The following MEI4 variants were observed in gnomAD, a reference collection of about 807,000 sequenced individuals.
MEI4 encodes meiosis-specific protein MEI4.
A neutral mutation model predicts 31.4 loss-of-function variants in MEI4; 27 were observed. That is an observed-to-expected ratio of 0.86 (90% confidence interval 0.63 to 1.19). MEI4 has a LOEUF of 1.19. Ranked by LOEUF, MEI4 falls within the 50% of genes most tolerant of loss-of-function variation. The pLI is 0.00. For synonymous variants in MEI4, 122 were observed against 145.4 expected (o/e 0.84, Z 1.16); for missense variants, 329 against 398.9 (o/e 0.82, Z 1.49).
chr6:77,864,745 A>C (rs7773838), intron 4 of MEI4, among the ~76,000 whole-genome samples: 125,683 of 152,166 alleles, frequency 0.83, 52,422 homozygotes, highest in East Asian at 0.95. Flanking sequence ...TAGACATCTA[A>C]AGAACTCTCC....
intron 4 of MEI4, among the ~76,000 whole-genome samples, chr6:77,909,826 C>T (rs532740528): frequency 2.7e-3 from 404 of 152,162 alleles, no homozygotes; most frequent in African/African-American, 8.8e-3. Context: ...ACTGGCAAAC[C>T]GAATCCAGTA....
At chr6:77,767,122 C>T (rs1293670932) in intron 3 of MEI4, among the ~76,000 whole-genome samples, 1 of 152,142 alleles carries the variant, frequency 6.6e-6, no homozygotes, top group Non-Finnish European at 1.5e-5. Flanking sequence ...TGGCTCACAC[C>T]TGTAATCCCA....
intron 1 of MEI4, among the ~76,000 whole-genome samples, chr6:77,675,967 T>C (rs1768837395): frequency 6.6e-6 from 1 of 152,196 alleles, no homozygotes; most frequent in Non-Finnish European, 1.5e-5. Context: ...ATAAGTTTGA[T>C]CTTAGTTACA....
intron 4 of MEI4, among the ~76,000 whole-genome samples, chr6:77,918,768 C>G (rs1053264474): frequency 1.3e-5 from 2 of 151,836 alleles, no homozygotes; most frequent in South Asian, 4.1e-4. Context: ...ATTTCCTTCT[C>G]CTGCCTAATT....
intron 2 of MEI4, among the ~76,000 whole-genome samples, chr6:77,751,572 A>T (rs997827160): frequency 6.6e-6 from 1 of 152,142 alleles, no homozygotes; most frequent in South Asian, 2.1e-4. Context: ...CCAGGAAAAC[A>T]TCCAAGCCCT....
chr6:77,760,917 T>C (rs1768027410), intron 2 of MEI4, among the ~76,000 whole-genome samples: 1 of 152,224 alleles, frequency 6.6e-6, no homozygotes, highest in Non-Finnish European at 1.5e-5. Context: ...ATGAGTCACC[T>C]TTCTACCCAT....
chr6:77,660,001 G>A (rs1242019370), intron 1 of MEI4, among the ~76,000 whole-genome samples: 9 of 152,194 alleles, frequency 5.9e-5, no homozygotes, highest in South Asian at 2.1e-4. Context: ...TTGCTGATGT[G>A]AAATGTCTGG....
intron 4 of MEI4, among the ~76,000 whole-genome samples, chr6:77,882,457 T>C (rs1771511777): frequency 6.6e-6 from 1 of 152,240 alleles, no homozygotes; most frequent in Non-Finnish European, 1.5e-5. Context: ...TCTTTCCCAC[T>C]CTGAAAGGCC....
chr6:77,830,560 A>C (rs1770054026), intron 4 of MEI4, among the ~76,000 whole-genome samples: 2 of 152,060 alleles, frequency 1.3e-5, no homozygotes, highest in Non-Finnish European at 2.9e-5. Context: ...AATAAGAAAA[A>C]TAGCAATAAC....
intron 4 of MEI4, among the ~76,000 whole-genome samples, chr6:77,867,969 A>C (rs1273330011): frequency 6.6e-6 from 1 of 151,978 alleles, no homozygotes; most frequent in Admixed American, 6.6e-5. Context: ...TTGCAAGGAC[A>C]AAAAAACCAA....
chr6:77,728,876 T>TTAAC lies in MEI4; in HGVS notation c.233-32252_233-32251insACTA, dbSNP rs572104386. 1.4e-3 allele frequency among the ~76,000 whole-genome samples: 213 copies of TTAAC among 152,320 alleles called. 1 individual carries two copies. The highest frequency in any genetic ancestry group is 4.5e-3 in the African/African-American group (187 of 41,582). On this transcript the variant is annotated intron_variant, in intron 2 of 4. Transcript: ENST00000684080. ...TACAGTGGGAATTCTTTGGTGAACT[T>TTAAC]TAGGAGTTTTAAACTTCTTGCTCTG...
chr6:77,784,443 CTG>C (rs1768678499), intron 3 of MEI4, among the ~76,000 whole-genome samples: 1 of 152,100 alleles, frequency 6.6e-6, no homozygotes. Context: ...GACTCAGCAA[CTG>C]GGAGAGACTT....
chr6:77,677,990 T>C (rs73762804), intron 1 of MEI4, among the ~76,000 whole-genome samples: 3,508 of 152,294 alleles, frequency 0.023, 136 homozygotes, highest in African/African-American at 0.079. Context: ...AATCTGAGTA[T>C]CTTTTACAGC....
At chr6:77,826,504 C>T (rs1312375900) in intron 3 of MEI4, among the ~76,000 whole-genome samples, 1 of 152,100 alleles carries the variant, frequency 6.6e-6, no homozygotes, top group Non-Finnish European at 1.5e-5. Context: ...CTACTCTGGC[C>T]CCTTCTCAAA....
intron 2 of MEI4, among the ~76,000 whole-genome samples, chr6:77,737,080 C>A (rs111753210): frequency 6.6e-5 from 10 of 152,180 alleles, no homozygotes; most frequent in African/African-American, 2.2e-4. Context: ...AAAGGTGTGA[C>A]AGCCAGTGGA....
chr6:77,746,636 G>GGC (rs952189063), intron 2 of MEI4, among the ~76,000 whole-genome samples: 3 of 115,088 alleles, frequency 2.6e-5, no homozygotes, highest in South Asian at 2.9e-4. Context: ...TAAAATATAT[G>GGC]GCGTGTGTGT....
chr6:77,761,191 G>T lies in MEI4; in HGVS notation c.294G>T (p.Ser98=). Residue 98 remains serine (S), a synonymous_variant, in exon 3 of 5, where the codon TCG becomes TCT. Transcript: ENST00000684080. The stretch of plus-strand genomic sequence containing the variant: ...AGAGTTCTGAAAGTACATTAACTTC[G>T]ATGGAAGATTCTGGATGTGATTTGT... ...EPKSSESTLT[S]MEDSGCDLSN... 1 of 1,232,168 alleles carries T rather than the reference G, an allele frequency of 8.1e-7. No individual in the cohort carries two copies. The highest frequency in any genetic ancestry group is 1.0e-6 in the Non-Finnish European group (1 of 987,950). The allele number at this position is 1,232,168 out of a possible 1,614,324, so 76.3% of individuals were successfully genotyped here. A position where few individuals can be genotyped will look rare whatever the true frequency, so the allele number is the denominator to read the frequency against.
At position 77,731,732 on chromosome 6, in the gene MEI4, G is replaced by T. The variant is rs1294757304; in HGVS notation, c.233-29398G>T. ...CCTATGTCCTGAATAGTAATGCTTA[G>T]GTTTTCTTCTAGGGTTTTTATGGTT... On this transcript the variant is annotated intron_variant, in intron 2 of 4. Coordinates refer to ENST00000684080, the MANE Select transcript of MEI4 (RefSeq NM_001322247.2). Among the ~76,000 whole-genome samples, 6 of 151,602 alleles carry T rather than the reference G, an allele frequency of 4.0e-5. No individual in the cohort carries two copies. In the East Asian group the frequency reaches 9.8e-4, roughly 25 times the overall value.
intron 4 of MEI4, among the ~76,000 whole-genome samples, chr6:77,876,513 A>G (rs1312604023): frequency 6.6e-6 from 1 of 152,114 alleles, no homozygotes; most frequent in African/African-American, 2.4e-5. Flanking sequence ...AGTCAAAAAA[A>G]CTTCTGTTCT....
Sources: allele counts gnomAD v4.1 joint callset (sites outside exome capture counted in the v4.1 genomes callset), GRCh38; gene constraint gnomAD v4.1.1; transcripts MANE v1.5; gene names NCBI Gene and HGNC (gene_info 2026-07-23, HGNC 2026-07-21).